GLIS3: variants seen among roughly 807,000 people sequenced by gnomAD.
GLIS3 encodes the protein GLIS family zinc finger 3.
GLIS3 carries 53 observed loss-of-function variants against 78.6 expected under a neutral mutation model. That is an observed-to-expected ratio of 0.67 (90% CI 0.54 to 0.85). The LOEUF is 0.85. Ranked by LOEUF, GLIS3 falls within the 40% of genes least tolerant of loss-of-function variation. GLIS3 has a pLI of 0.00. For missense variants in GLIS3, 1,703 were observed against 1,231.1 expected, an observed-to-expected ratio of 1.38 and a Z score of -5.74; for synonymous variants, 684 against 509.9, an observed-to-expected ratio of 1.34 and a Z score of -4.60.
chr9:3,984,105 G>C (rs1190285438), intron 4 of GLIS3, among the ~76,000 whole-genome samples: 2 of 152,176 alleles, frequency 1.3e-5, no homozygotes, highest in Non-Finnish European at 2.9e-5. Context: ...GGGACTGCTA[G>C]GGCAGTGCAG....
chr9:4,147,434 A>T (rs1186498225), intron 2 of GLIS3: 1 of 152,178 alleles, frequency 6.6e-6, no homozygotes. Context: ...GGGCTTCCAT[A>T]TGCAGTGTCT....
At chr9:4,127,067 A>G (rs967628221) in intron 2 of GLIS3, among the ~76,000 whole-genome samples, 3 of 152,146 alleles carry the variant, frequency 2.0e-5, no homozygotes, top group Non-Finnish European at 1.5e-5. Context: ...AGAGCCCCCC[A>G]AAACAATAGA....
At chr9:4,165,250 G>A (rs1269639473) in intron 2 of GLIS3, among the ~76,000 whole-genome samples, 3 of 152,146 alleles carry the variant, frequency 2.0e-5, no homozygotes, top group Non-Finnish European at 4.4e-5. Context: ...AGACCAGCCT[G>A]GCCAACATGG....
chr9:3,896,931 A>T (rs75395922), intron 7 of GLIS3, among the ~76,000 whole-genome samples: 20,820 of 152,178 alleles, frequency 0.14, 1,710 homozygotes, highest in Non-Finnish European at 0.18. Flanking sequence ...CCGAATATAG[A>T]ATAGAGTCAT....
Position 4,070,557 on chromosome 9 carries a change from A to T in GLIS3, c.1710+47211T>A, listed in dbSNP as rs1448513064. On this transcript the variant is annotated intron_variant, in intron 4 of 10. Transcript: ENST00000381971. ...ATTTGTGTGTGTGTGAGAGAGAGAGATGCAGAGCAAGCGAGAGAGAAAGGA... is the reference window on the plus strand; with the variant it reads ...ATTTGTGTGTGTGTGAGAGAGAGAGTTGCAGAGCAAGCGAGAGAGAAAGGA... Among the ~76,000 whole-genome samples the T allele has an allele frequency of 3.3e-5, 5 of 152,100 alleles. No individual in the cohort carries two copies. In the East Asian group the frequency reaches 9.7e-4, roughly 29 times the overall value.
In GLIS3 at chr9:3,832,551, C is replaced by G. The variant is rs531359527; in HGVS notation, c.2474-3059G>C. ...TTGGGGGCTCCAAACAGCAACATGT[C>G]TGAGTGGTTTGAGGGAACCTGGAAT... On this transcript the variant is annotated intron_variant, in intron 9 of 10. Coordinates refer to ENST00000381971, the MANE Select transcript of GLIS3 (RefSeq NM_001042413.2). Among the ~76,000 whole-genome samples, 166 of 152,228 alleles carry G rather than the reference C, an allele frequency of 1.1e-3. 1 individual carries two copies. Among genetic ancestry groups the G allele is most frequent in the Non-Finnish European group, 1.9e-3 (130 of 68,026 alleles).
chr9:3,953,593 CA>C (rs1162897868), intron 4 of GLIS3, among the ~76,000 whole-genome samples: 1 of 152,108 alleles, frequency 6.6e-6, no homozygotes, highest in Non-Finnish European at 1.5e-5. Flanking sequence ...TTTCTTTGTA[CA>C]AATGGTTTCG....
chr9:3,972,993 A>C (rs1329042212), intron 4 of GLIS3, among the ~76,000 whole-genome samples: 1 of 152,130 alleles, frequency 6.6e-6, no homozygotes, highest in South Asian at 2.1e-4. Flanking sequence ...CTGTAAGTCT[A>C]TGGTGGTGGG....
intron 2 of GLIS3, among the ~76,000 whole-genome samples, chr9:4,220,107 C>T (rs931273492): frequency 5.3e-5 from 8 of 152,110 alleles, no homozygotes; most frequent in African/African-American, 9.7e-5. Context: ...ACTGACTAAA[C>T]AGGGACATTT....
chr9:4,321,193 G>A (rs1479324900), intron 2 of GLIS3, among the ~76,000 whole-genome samples: 1 of 149,806 alleles, frequency 6.7e-6, no homozygotes, highest in African/African-American at 2.5e-5. Flanking sequence ...GGCCGAGGCG[G>A]GCGGATCACA....
At chr9:4,065,383 G>A (rs912647161) in intron 4 of GLIS3, among the ~76,000 whole-genome samples, 4 of 152,228 alleles carry the variant, frequency 2.6e-5, no homozygotes, top group Non-Finnish European at 4.4e-5. Flanking sequence ...TTAACACACT[G>A]TATAAAGACC....
rs749960453 is a variant in GLIS3, at chr9:4,321,377, G to C, written n.265-10849C>G. On this transcript the variant is annotated intron_variant and non_coding_transcript_variant, in intron 2 of 4. Coordinates refer to the GLIS3 transcript ENST00000471664. ...GCGGAGCTTGCAGGGAGCCGAGATGGCGCCACTGCACTCCAGCCTGGGCCA... is the reference window on the plus strand; with the variant it reads ...GCGGAGCTTGCAGGGAGCCGAGATGCCGCCACTGCACTCCAGCCTGGGCCA... Among the ~76,000 whole-genome samples the C allele has an allele frequency of 3.4e-3, 372 of 109,018 alleles. 10 individuals carry two copies. The highest frequency in any genetic ancestry group is 6.7e-3 in the Middle Eastern group (1 of 150). The allele number at this position is 109,018 out of a possible 152,430, so 71.5% of individuals were successfully genotyped here.
At chr9:3,839,830 C>G (rs1439951052) in intron 9 of GLIS3, among the ~76,000 whole-genome samples, 1 of 152,154 alleles carries the variant, frequency 6.6e-6, no homozygotes, top group Non-Finnish European at 1.5e-5. Context: ...TGCAGATATT[C>G]TCATTAGGGA....
chr9:4,384,210 A>G, the GLIS3 span, among the ~76,000 whole-genome samples: 6 of 152,218 alleles, frequency 3.9e-5, no homozygotes, highest in African/African-American at 1.4e-4. Context: ...TGGTGAACAC[A>G]GGGTGCTGGA....
chr9:4,458,839 A>G, the GLIS3 span, among the ~76,000 whole-genome samples: 53 of 152,318 alleles, frequency 3.5e-4, 1 homozygote, highest in Admixed American at 3.0e-3. Context: ...TAATAAGTAT[A>G]TTTGATGAAA....
the GLIS3 span, among the ~76,000 whole-genome samples, chr9:4,420,303 G>C: frequency 5.3e-5 from 8 of 152,012 alleles, no homozygotes; most frequent in Admixed American, 3.3e-4. Context: ...TAAAAAGAGG[G>C]GACATCATTT....
chr9:4,008,945 T>G (rs1200191438), intron 4 of GLIS3, among the ~76,000 whole-genome samples: 1 of 152,048 alleles, frequency 6.6e-6, no homozygotes, highest in East Asian at 1.9e-4. Flanking sequence ...CCTAGGGCTC[T>G]TTCCACTACA....
the GLIS3 span, among the ~76,000 whole-genome samples, chr9:4,466,232 C>G: frequency 6.6e-6 from 1 of 152,148 alleles, no homozygotes; most frequent in Non-Finnish European, 1.5e-5. Flanking sequence ...TTGTAAGACA[C>G]AAATTACTGA....
chr9:4,220,182 T>C (rs1223779829), intron 2 of GLIS3, among the ~76,000 whole-genome samples: 3 of 152,172 alleles, frequency 2.0e-5, no homozygotes, highest in African/African-American at 7.2e-5. Flanking sequence ...TAAAAATCCA[T>C]GACATATTAT....
Sources: allele counts gnomAD v4.1 joint callset (sites outside exome capture counted in the v4.1 genomes callset), GRCh38; gene constraint gnomAD v4.1.1; transcripts MANE v1.5; gene names NCBI Gene and HGNC (gene_info 2026-07-23, HGNC 2026-07-21).